PRKCE: variants seen among roughly 807,000 people sequenced by gnomAD.
The protein encoded by PRKCE is protein kinase C epsilon.
PRKCE carries 16 observed loss-of-function variants against 85.4 expected under a neutral mutation model. That is an observed-to-expected ratio of 0.19 (90% CI 0.13 to 0.28). The LOEUF (loss-of-function observed/expected upper bound fraction) is 0.28, where lower values mean the gene tolerates loss of function less well. Among genes scored for constraint, PRKCE ranks in the 10% least tolerant of loss-of-function variants. The probability of loss-of-function intolerance (pLI) is 1.00; values close to 1 mark genes in which losing one functional copy is unlikely to be tolerated. For missense variants in PRKCE, 573 were observed against 975.2 expected (o/e 0.59, Z 5.49); for synonymous variants, 388 against 371.5 (o/e 1.04, Z -0.51).
chr2:46,038,471 C>T (rs1404953180), intron 10 of PRKCE, among the ~76,000 whole-genome samples: 1 of 152,076 alleles, frequency 6.6e-6, no homozygotes. Context: ...GCCAAAAGTT[C>T]AAACTACTGC....
At chr2:46,099,274 CA>C (rs1032794945) in intron 11 of PRKCE, among the ~76,000 whole-genome samples, 9 of 152,126 alleles carry the variant, frequency 5.9e-5, no homozygotes, top group African/African-American at 1.7e-4. Flanking sequence ...TTCTACCCCA[CA>C]AGATGACCCC....
intron 2 of PRKCE, among the ~76,000 whole-genome samples, chr2:45,944,654 A>ATT (rs1700113215): frequency 2.2e-5 from 1 of 46,186 alleles, no homozygotes; most frequent in African/African-American, 8.9e-5. Context: ...ATACCCGGCT[A>ATT]ATTTTTTTTT....
At chr2:45,812,176 T>C (rs1688699672) in intron 1 of PRKCE, among the ~76,000 whole-genome samples, 1 of 152,258 alleles carries the variant, frequency 6.6e-6, no homozygotes. Context: ...ACACTTGTTC[T>C]ACTTACCTAA....
At chr2:46,173,842 G>A (rs529020450) in intron 14 of PRKCE, among the ~76,000 whole-genome samples, 38 of 152,196 alleles carry the variant, frequency 2.5e-4, no homozygotes, top group Non-Finnish European at 3.8e-4. Flanking sequence ...GAGTGTAGGG[G>A]AGGAGGTTTG....
chr2:45,746,664 TCA>T (rs1683162024), intron 1 of PRKCE, among the ~76,000 whole-genome samples: 1 of 152,202 alleles, frequency 6.6e-6, no homozygotes, highest in African/African-American at 2.4e-5. Context: ...CTCCGTATTT[TCA>T]GTGTCCCGCC....
intron 10 of PRKCE, among the ~76,000 whole-genome samples, chr2:46,017,075 T>TGCCATCTTA (rs1706228540): frequency 6.6e-6 from 1 of 151,722 alleles, no homozygotes; most frequent in Non-Finnish European, 1.5e-5. Flanking sequence ...ATATAAAACG[T>TGCCATCTTA]GCCATCTTAA....
At chr2:45,807,921 C>T (rs1202875212) in intron 1 of PRKCE, among the ~76,000 whole-genome samples, 2 of 152,002 alleles carry the variant, frequency 1.3e-5, no homozygotes, top group South Asian at 2.1e-4. Flanking sequence ...TCCAGCCAGA[C>T]TGGTCTCCCT....
At chr2:46,133,837 T>A (rs1207739038) in intron 11 of PRKCE, among the ~76,000 whole-genome samples, 5 of 152,192 alleles carry the variant, frequency 3.3e-5, no homozygotes, top group African/African-American at 1.2e-4. Context: ...AATGACAAGT[T>A]GTCATTGTTG....
Position 46,004,419 on chromosome 2 carries a change from T to A in PRKCE, c.967-123T>A, listed in dbSNP as rs1374836832. Reference sequence around the variant, plus strand: ...CGATGGCTGCAAGAGGACAGAGATCTACTGAATTCCTGCTGCTCTGGGAAC... The same window carrying A: ...CGATGGCTGCAAGAGGACAGAGATCAACTGAATTCCTGCTGCTCTGGGAAC... On this transcript the variant is annotated intron_variant, in intron 7 of 14. Coordinates refer to ENST00000306156, the MANE Select transcript of PRKCE (RefSeq NM_005400.3). The surrounding 1 kb of genome is among the most constrained non-coding windows in gnomAD (Gnocchi z 4.1). 1 of 811,124 alleles carries A rather than the reference T, an allele frequency of 1.2e-6. No homozygotes were observed. The highest frequency in any genetic ancestry group is 2.0e-6 in the Non-Finnish European group (1 of 502,802). 50.2% of individuals were successfully genotyped at this position (811,124 alleles called of 1,614,324 possible).
chr2:45,906,807 C>T (rs1697012692), intron 2 of PRKCE, among the ~76,000 whole-genome samples: 2 of 152,218 alleles, frequency 1.3e-5, no homozygotes, highest in African/African-American at 4.8e-5. Context: ...GCTGTATGTG[C>T]CTACCCTGCA....
chr2:45,849,120 C>G (rs1285225025), intron 2 of PRKCE, among the ~76,000 whole-genome samples: 6 of 152,174 alleles, frequency 3.9e-5, no homozygotes, highest in Non-Finnish European at 5.9e-5. Context: ...AATTTTCATG[C>G]TATGCAAGCA....
rs1238641470 is a variant in PRKCE at position 45,884,986 on chromosome 2, TATATATA to T, written c.412+41924_412+41930del. ...ATATATATATATATATATATATATA[TATATATA>T]TATATATATTTGTTGTTGTTGTTGT... is the stretch of plus-strand genomic sequence containing the variant. On this transcript the variant is annotated intron_variant, in intron 2 of 14. Transcript: ENST00000306156. 6.9e-4 allele frequency among the ~76,000 whole-genome samples: 61 copies of T among 87,966 alleles called. 2 individuals are homozygous for T. The highest frequency in any genetic ancestry group is 2.0e-3 in the South Asian group (4 of 1,972). 57.7% of individuals were successfully genotyped at this position (87,966 alleles called of 152,430 possible).
At chr2:46,032,526 G>A (rs1160636064) in intron 10 of PRKCE, among the ~76,000 whole-genome samples, 2 of 152,276 alleles carry the variant, frequency 1.3e-5, no homozygotes, top group East Asian at 3.9e-4. Context: ...GTTGTCCCCA[G>A]TTGTACAGTT....
chr2:45,823,250 C>A (rs1351486449), intron 1 of PRKCE, among the ~76,000 whole-genome samples: 1 of 152,206 alleles, frequency 6.6e-6, no homozygotes, highest in Non-Finnish European at 1.5e-5. Flanking sequence ...AGGACCACAG[C>A]CTTCCTGCTA....
At chr2:46,042,956 G>A (rs750124550) in intron 10 of PRKCE, among the ~76,000 whole-genome samples, 17 of 152,184 alleles carry the variant, frequency 1.1e-4, no homozygotes, top group South Asian at 6.2e-4. Context: ...TGTAGCTCCC[G>A]TCTTTCTAAA....
chr2:45,755,983 C>T (rs1683969290), intron 1 of PRKCE, among the ~76,000 whole-genome samples: 1 of 152,180 alleles, frequency 6.6e-6, no homozygotes, highest in African/African-American at 2.4e-5. Context: ...GGAGACTTTG[C>T]ATCCCCACTG....
Position 45,726,411 on chromosome 2 carries a change from C to G in PRKCE, c.348+73963C>G, listed in dbSNP as rs532999559. Among the ~76,000 whole-genome samples, 18 of 152,292 alleles carry G rather than the reference C, an allele frequency of 1.2e-4. No homozygotes were observed. In the East Asian group the frequency reaches 3.3e-3, roughly 28 times the overall value. ...ACCCTGACCTTCAGCAATCACTACC[C>G]TGATCAGTCAGCAGCTGTCAACATC... On this transcript the variant is annotated intron_variant, in intron 1 of 14. Transcript: ENST00000306156.
At chr2:46,173,591 G>C (rs545495174) in intron 14 of PRKCE, among the ~76,000 whole-genome samples, 94 of 152,336 alleles carry the variant, frequency 6.2e-4, no homozygotes, top group African/African-American at 2.2e-3. Flanking sequence ...TCTGTCCTGG[G>C]CCCTCCCTTT....
At chr2:46,005,776 A>T (rs1030846798) in intron 8 of PRKCE, among the ~76,000 whole-genome samples, 1 of 152,142 alleles carries the variant, frequency 6.6e-6, no homozygotes, top group African/African-American at 2.4e-5. Flanking sequence ...TACTCCAATT[A>T]ACTTTCTGTG....
Sources: gnomAD v4.1 joint callset for allele counts (sites outside exome capture counted in the v4.1 genomes callset) on GRCh38, gnomAD v4.1.1 for gene constraint, Gnocchi (gnomAD v3.1) non-coding constraint, MANE v1.5 for transcripts, NCBI Gene and HGNC (gene_info 2026-07-23, HGNC 2026-07-21) for gene names.